TYW1B: variants seen among roughly 807,000 people sequenced by gnomAD.
TYW1B encodes the protein S-adenosyl-L-methionine-dependent tRNA 4-demethylwyosine synthase TYW1B.
A neutral mutation model predicts 86.9 loss-of-function variants in TYW1B; 73 were observed. The ratio of observed to expected loss-of-function variants is 0.84; its 90% CI spans 0.70 to 1.02. TYW1B has a LOEUF of 1.02. Among genes scored for constraint, TYW1B ranks in the 50% least tolerant of loss-of-function variants. The pLI is 0.00. For synonymous variants in TYW1B, 248 were observed against 292.8 expected, an observed-to-expected ratio of 0.85 and a Z score of 1.56; for missense variants, 637 against 827.4, an observed-to-expected ratio of 0.77 and a Z score of 2.82.
rs1586012778 is a variant in TYW1B at position 72,823,446 on chromosome 7, C to T, written c.135+3409G>A. 2.0e-5 allele frequency among the ~76,000 whole-genome samples: 3 copies of T among 151,972 alleles called. No individual in the cohort carries two copies. The South Asian group carries it at 6.2e-4, about 32-fold the overall frequency. On this transcript the variant is annotated intron_variant, in intron 2 of 13. Transcript: ENST00000620995. ...ACCAGTCAGACCACCATGGTGAAAC[C>T]CCATCTCTTCTAAAAATACAAAAAC...
chr7:72,767,965 T>C (rs1366401740), intron 7 of TYW1B, among the ~76,000 whole-genome samples: 2 of 152,054 alleles, frequency 1.3e-5, no homozygotes, highest in Non-Finnish European at 2.9e-5. Context: ...AAACTACATA[T>C]GGGGCCAGGC....
intron 13 of TYW1B, among the ~76,000 whole-genome samples, chr7:72,580,727 A>G (rs1172942053): frequency 6.6e-6 from 1 of 152,202 alleles, no homozygotes; most frequent in East Asian, 1.9e-4. Context: ...GATTCCATTA[A>G]AGATGGTAGA....
chr7:72,808,860 AC>A (rs1207187136), intron 4 of TYW1B, among the ~76,000 whole-genome samples: 1 of 151,518 alleles, frequency 6.6e-6, no homozygotes, highest in Non-Finnish European at 1.5e-5. Flanking sequence ...CCCCACCTCC[AC>A]CGTCACTCAC....
chr7:72,737,886 T>C (rs1459692701), intron 8 of TYW1B, among the ~76,000 whole-genome samples: 2 of 150,280 alleles, frequency 1.3e-5, no homozygotes, highest in Non-Finnish European at 3.0e-5. Context: ...ACCATTCTCC[T>C]GCCTCAGCCT....
At chr7:72,649,065 T>C (rs1466553485) in intron 11 of TYW1B, among the ~76,000 whole-genome samples, 1 of 152,166 alleles carries the variant, frequency 6.6e-6, no homozygotes, top group African/African-American at 2.4e-5. Context: ...GGGTGCTTAC[T>C]GACATTTTGA....
At chr7:72,810,153 C>T (rs1788578325) in intron 4 of TYW1B, among the ~76,000 whole-genome samples, 1 of 152,088 alleles carries the variant, frequency 6.6e-6, no homozygotes. Flanking sequence ...TGGCACATGC[C>T]TGTAATCCCA....
chr7:72,765,437 C>T (rs2129571770), intron 7 of TYW1B, among the ~76,000 whole-genome samples: 1 of 152,210 alleles, frequency 6.6e-6, no homozygotes, highest in East Asian at 1.9e-4. Context: ...CACAGTTCTC[C>T]AGCTGGCTTA....
rs190721907 is a variant in TYW1B, at chr7:72,729,839, C to T, written c.1083-908G>A. Among the ~76,000 whole-genome samples, 8 of 152,236 alleles carry T rather than the reference C, an allele frequency of 5.3e-5. No individual in the cohort carries two copies. In the East Asian group the frequency reaches 1.5e-3, roughly 29 times the overall value. ...TAAGCAGCAGAGCTACCAGAAATAG[C>T]ACAAGCTCCCCTAGGGTCTAAGAAC... On this transcript the variant is annotated intron_variant, in intron 8 of 13. Transcript: ENST00000620995.
At chr7:72,654,644 G>GTTGA (rs1459721231) in intron 11 of TYW1B, among the ~76,000 whole-genome samples, 2 of 152,230 alleles carry the variant, frequency 1.3e-5, no homozygotes, top group African/African-American at 4.8e-5. Flanking sequence ...ACTTTGGGAG[G>GTTGA]TTGAGGCGAG....
chr7:72,779,973 G>A (rs1255914145), intron 6 of TYW1B, among the ~76,000 whole-genome samples: 1 of 152,050 alleles, frequency 6.6e-6, no homozygotes, highest in Admixed American at 6.6e-5. Flanking sequence ...TCCAGTAATA[G>A]GGTTCTTAAT....
intron 11 of TYW1B, among the ~76,000 whole-genome samples, chr7:72,629,244 T>C (rs557425137): frequency 6.6e-6 from 1 of 152,336 alleles, no homozygotes; most frequent in East Asian, 1.9e-4. Flanking sequence ...ACATTTAACA[T>C]TATGCCAGGC....
intron 10 of TYW1B, among the ~76,000 whole-genome samples, chr7:72,697,535 T>C (rs1388465493): frequency 3.3e-5 from 5 of 152,114 alleles, no homozygotes; most frequent in African/African-American, 1.2e-4. Context: ...CTCACACTGG[T>C]CTCTATTCAC....
chr7:72,709,397 G>A (rs1814689815), intron 10 of TYW1B, among the ~76,000 whole-genome samples: 1 of 152,186 alleles, frequency 6.6e-6, no homozygotes, highest in Non-Finnish European at 1.5e-5. Flanking sequence ...GGCCGAGCGT[G>A]GTGGCTCACG....
chr7:72,661,814 G>A (rs1263789689), intron 11 of TYW1B, among the ~76,000 whole-genome samples: 3 of 152,028 alleles, frequency 2.0e-5, no homozygotes, highest in Admixed American at 6.6e-5. Flanking sequence ...GAGATGGGCA[G>A]GTGGTAGTTT....
At chr7:72,792,179 T>C (rs1788231708) in intron 6 of TYW1B, among the ~76,000 whole-genome samples, 1 of 151,692 alleles carries the variant, frequency 6.6e-6, no homozygotes, top group Non-Finnish European at 1.5e-5. Context: ...AAATACAAAC[T>C]AGTTGCGCAT....
chr7:72,797,606 A>G (rs1788326262), intron 6 of TYW1B, among the ~76,000 whole-genome samples: 1 of 152,156 alleles, frequency 6.6e-6, no homozygotes, highest in African/African-American at 2.4e-5. Context: ...AGTCCCAGCT[A>G]CTCAGGAGGC....
At chr7:72,762,451 T>C (rs540556669) in intron 7 of TYW1B, among the ~76,000 whole-genome samples, 1 of 152,132 alleles carries the variant, frequency 6.6e-6, no homozygotes, top group African/African-American at 2.4e-5. Context: ...CCTGTAACTT[T>C]TGTTTTTCCT....
intron 11 of TYW1B, among the ~76,000 whole-genome samples, chr7:72,666,110 A>G (rs1297780225): frequency 6.6e-6 from 1 of 152,146 alleles, no homozygotes. Context: ...TAAGTACCAT[A>G]AAAATAATAA....
At chr7:72,585,278 T>C (rs1811247480) in intron 13 of TYW1B, among the ~76,000 whole-genome samples, 1 of 152,200 alleles carries the variant, frequency 6.6e-6, no homozygotes, top group African/African-American at 2.4e-5. Flanking sequence ...CTGAAAAAAG[T>C]TCTAATCATA....
Sources: gnomAD v4.1 joint callset for allele counts (sites outside exome capture counted in the v4.1 genomes callset) on GRCh38, gnomAD v4.1.1 for gene constraint, MANE v1.5 for transcripts, NCBI Gene and HGNC (gene_info 2026-07-23, HGNC 2026-07-21) for gene names.